Variants in ZBTB7C observed in about 807,000 individuals in gnomAD.
ZBTB7C encodes zinc finger and BTB domain-containing protein 7C.
Under a neutral mutation model 25.7 loss-of-function variants are expected in ZBTB7C, and 8 were observed. The observed-to-expected ratio is 0.31, with a 90% CI of 0.18 to 0.56. The LOEUF (loss-of-function observed/expected upper bound fraction) is 0.56, where lower values mean the gene tolerates loss of function less well. ZBTB7C is among the 20% of genes least tolerant of loss of function. The probability of loss-of-function intolerance (pLI) is 0.91; values close to 1 mark genes in which losing one functional copy is unlikely to be tolerated. For missense variants in ZBTB7C, 824 were observed against 855.2 expected, an observed-to-expected ratio of 0.96 and a Z score of 0.46; for synonymous variants, 394 against 369.0, an observed-to-expected ratio of 1.07 and a Z score of -0.78.
At chr18:48,166,803 G>A (rs1026389989) in intron 3 of ZBTB7C, among the ~76,000 whole-genome samples, 9 of 152,286 alleles carry the variant, frequency 5.9e-5, no homozygotes, top group African/African-American at 2.2e-4. Context: ...GCTGAAGTGT[G>A]CCTGGAAGCT....
intron 2 of ZBTB7C, among the ~76,000 whole-genome samples, chr18:48,243,419 C>T (rs539772362): frequency 1.8e-4 from 27 of 151,864 alleles, no homozygotes; most frequent in African/African-American, 3.6e-4. Flanking sequence ...ACCCCTTTTA[C>T]GAAAGCTGCA....
chr18:48,168,866 T>C (rs1447839638), intron 3 of ZBTB7C, among the ~76,000 whole-genome samples: 1 of 152,216 alleles, frequency 6.6e-6, no homozygotes, highest in Non-Finnish European at 1.5e-5. Context: ...TCAGAACACT[T>C]ATCACACCTT....
chr18:48,373,697 C>T (rs1357871802), intron 1 of ZBTB7C, among the ~76,000 whole-genome samples: 1 of 152,194 alleles, frequency 6.6e-6, no homozygotes, highest in African/African-American at 2.4e-5. Context: ...CACTATGGCT[C>T]ACGCCTGTAA....
chr18:48,377,714 G>A (rs1466819666), intron 1 of ZBTB7C, among the ~76,000 whole-genome samples: 2 of 152,208 alleles, frequency 1.3e-5, no homozygotes, highest in Non-Finnish European at 2.9e-5. Flanking sequence ...AGATCAGATA[G>A]ACAAGTGGTA....
chr18:48,341,704 G>A (rs72911547), intron 1 of ZBTB7C, among the ~76,000 whole-genome samples: 1 of 152,334 alleles, frequency 6.6e-6, no homozygotes, highest in Non-Finnish European at 1.5e-5. Context: ...ATTCAAAGCC[G>A]GGATCAGTTG....
intron 1 of ZBTB7C, among the ~76,000 whole-genome samples, chr18:48,404,293 G>C (rs2048228325): frequency 6.6e-6 from 1 of 152,176 alleles, no homozygotes; most frequent in African/African-American, 2.4e-5. Context: ...GTGTCAGTGA[G>C]AAGCCAGTTA....
chr18:48,387,917 C>T (rs1442019354), intron 1 of ZBTB7C, among the ~76,000 whole-genome samples: 2 of 152,110 alleles, frequency 1.3e-5, no homozygotes, highest in African/African-American at 4.8e-5. Flanking sequence ...ACCTCCGCTT[C>T]CTGGGTTCAA....
intron 3 of ZBTB7C, among the ~76,000 whole-genome samples, chr18:48,101,282 T>G (rs1568218445): frequency 6.6e-6 from 1 of 152,188 alleles, no homozygotes. Flanking sequence ...TTTTTATTGA[T>G]CCAGACCAGT....
chr18:48,309,939 T>C (rs991247466), intron 2 of ZBTB7C, among the ~76,000 whole-genome samples: 3 of 152,098 alleles, frequency 2.0e-5, no homozygotes, highest in African/African-American at 4.8e-5. Flanking sequence ...CCCTCAAAAA[T>C]TGGTTCCTGG....
chr18:48,389,226 CTCTCTCTCTCGTGTGTGTGTGT>C (rs2047828166), intron 1 of ZBTB7C, among the ~76,000 whole-genome samples: 1 of 110,080 alleles, frequency 9.1e-6, no homozygotes, highest in Non-Finnish European at 1.9e-5. Flanking sequence ...CTCTCTCTCT[CTCTCTCTCTCGTGTGTGTGTGT>C]GTGTGTGTGT....
chr18:48,310,324 C>T (rs757598732), intron 2 of ZBTB7C, among the ~76,000 whole-genome samples: 3 of 151,786 alleles, frequency 2.0e-5, no homozygotes, highest in Admixed American at 1.3e-4. Flanking sequence ...TTTCCTTTCT[C>T]GTCTCTCCTG....
chr18:48,386,069 G>A (rs2047740977), intron 1 of ZBTB7C, among the ~76,000 whole-genome samples: 1 of 152,146 alleles, frequency 6.6e-6, no homozygotes, highest in African/African-American at 2.4e-5. Flanking sequence ...TTCCACCCCT[G>A]TCGAGTGCAA....
chr18:48,408,146 C>G (rs1186467865), intron 1 of ZBTB7C, among the ~76,000 whole-genome samples: 1 of 152,258 alleles, frequency 6.6e-6, no homozygotes, highest in Non-Finnish European at 1.5e-5. Context: ...CCACCCACCC[C>G]CAGCTCCCCT....
intron 2 of ZBTB7C, among the ~76,000 whole-genome samples, chr18:48,245,195 C>T (rs914688979): frequency 1.3e-5 from 2 of 150,672 alleles, no homozygotes; most frequent in Middle Eastern, 3.2e-3. Context: ...GAGCTGGAGA[C>T]CATTATTGTA....
At chr18:48,160,310 C>T (rs766891161) in intron 3 of ZBTB7C, among the ~76,000 whole-genome samples, 2 of 152,190 alleles carry the variant, frequency 1.3e-5, no homozygotes, top group Non-Finnish European at 2.9e-5. Flanking sequence ...TGCATCTCAC[C>T]GGTATCTACT....
chr18:48,095,912 T>A (rs1381574622), intron 3 of ZBTB7C, among the ~76,000 whole-genome samples: 1 of 152,060 alleles, frequency 6.6e-6, no homozygotes, highest in East Asian at 1.9e-4. Context: ...TAACCTCTTA[T>A]GTGGAACCCA....
chr18:48,372,825 C>T (rs73435281), intron 1 of ZBTB7C, among the ~76,000 whole-genome samples: 2,220 of 152,160 alleles, frequency 0.015, 51 homozygotes, highest in African/African-American at 0.052. Flanking sequence ...CCTGAGAGGT[C>T]CCGTCTACAT....
At chr18:48,290,852 T>C (rs2045207188) in intron 2 of ZBTB7C, among the ~76,000 whole-genome samples, 1 of 152,184 alleles carries the variant, frequency 6.6e-6, no homozygotes, top group Non-Finnish European at 1.5e-5. Flanking sequence ...CTCTTCCACA[T>C]AGGTGTTATG....
At chr18:48,033,529 A>G (rs577753285) in intron 4 of ZBTB7C, among the ~76,000 whole-genome samples, 6 of 152,138 alleles carry the variant, frequency 3.9e-5, no homozygotes, top group Non-Finnish European at 5.9e-5. Context: ...CCTAATGGAG[A>G]CATTTGTGGG....
Sources: allele counts gnomAD v4.1 joint callset (sites outside exome capture counted in the v4.1 genomes callset), GRCh38; gene constraint gnomAD v4.1.1; transcripts MANE v1.5; gene names NCBI Gene and HGNC (gene_info 2026-07-23, HGNC 2026-07-21).